Variants in TBC1D2B observed in about 807,000 individuals in gnomAD.
The protein encoded by TBC1D2B is TBC1 domain family, member 2B.
TBC1D2B carries 64 observed loss-of-function variants against 100.8 expected under a neutral mutation model. The ratio of observed to expected loss-of-function variants is 0.64; its 90% CI spans 0.52 to 0.78. The LOEUF (loss-of-function observed/expected upper bound fraction) is 0.78, where lower values mean the gene tolerates loss of function less well. Ranked by LOEUF, TBC1D2B falls within the 30% of genes least tolerant of loss-of-function variation. The pLI is 0.00. For synonymous variants in TBC1D2B, 480 were observed against 479.7 expected, an observed-to-expected ratio of 1.00 and a Z score of -0.01; for missense variants, 1,052 against 1,218.4, an observed-to-expected ratio of 0.86 and a Z score of 2.03.
rs185339525 is a variant in TBC1D2B at position 77,998,790 on chromosome 15, C to T, written c.2697-435G>A. 55 of 174,442 alleles carry T rather than the reference C, an allele frequency of 3.2e-4. No individual in the cohort carries two copies. The East Asian group carries it at 8.4e-3, about 27-fold the overall frequency. 10.8% of individuals were successfully genotyped at this position (174,442 alleles called of 1,614,324 possible). On this transcript the variant is annotated intron_variant, in intron 12 of 12. Transcript: ENST00000300584. ...ATGAGGCCTGGCACCGGGCACGAGT[C>T]CGGGACGTCTGTGTCCCAGGACTCA...
chr15:78,064,846 C>T (rs866726719), intron 1 of TBC1D2B, among the ~76,000 whole-genome samples: 1 of 152,186 alleles, frequency 6.6e-6, no homozygotes, highest in African/African-American at 2.4e-5. Flanking sequence ...TACTGGATCT[C>T]CTGGCTCCTT....
Position 78,013,224 on chromosome 15 carries a change from G to A in TBC1D2B, c.1869C>T (p.Leu623=), listed in dbSNP as rs530794756. Residue 623 remains leucine (L), a synonymous_variant, in exon 9 of 13, where the codon CTC becomes CTT. Coordinates refer to ENST00000300584, the MANE Select transcript of TBC1D2B (RefSeq NM_144572.2). ...AKVRALDLKT[L]YLTENQEVST... ...AGACTTCCTGGTTTTCTGTGAGGTA[G>A]AGAGTCTTCAGATCCAACGCGCGGA... 4.0e-5 allele frequency: 65 copies of A among 1,613,898 alleles called. No individual in the cohort carries two copies. In the South Asian group the frequency reaches 6.9e-4, roughly 17 times the overall value.
chr15:78,003,081 C>T (rs2071959168), intron 11 of TBC1D2B: 1 of 480,020 alleles, frequency 2.1e-6, no homozygotes, highest in Non-Finnish European at 3.8e-6. Context: ...GCTCCCAGCG[C>T]CTATCACAGG....
intron 1 of TBC1D2B, among the ~76,000 whole-genome samples, chr15:78,054,846 A>G (rs929736334): frequency 2.0e-5 from 3 of 152,224 alleles, no homozygotes; most frequent in African/African-American, 7.2e-5. Context: ...ATATCCACCC[A>G]AGAGGAATGA....
In TBC1D2B at chr15:78,024,177, C is replaced by T. The variant is rs918947396; in HGVS notation, c.1449G>A (p.Gln483=). 2 of 1,613,030 alleles carry T rather than the reference C, an allele frequency of 1.2e-6. No individual in the cohort carries two copies. Among genetic ancestry groups the T allele is most frequent in the Non-Finnish European group, 8.5e-7 (1 of 1,179,632 alleles). The change falls in exon 6 of 13, where the codon CAG becomes CAA. Residue 483 remains glutamine, a synonymous_variant. Transcript: ENST00000300584. Reference sequence around the variant, plus strand: ...TTACTTTCAGCCTGTCCAGTTCCAGCTGGTCCCTGGCAACAGGCACAACCG... The same window carrying T: ...TTACTTTCAGCCTGTCCAGTTCCAGTTGGTCCCTGGCAACAGGCACAACCG... ...SPSVVPVARD[Q]LELDRLKDNL...
chr15:78,023,626 C>T (rs956837929), intron 6 of TBC1D2B, among the ~76,000 whole-genome samples: 2 of 152,242 alleles, frequency 1.3e-5, no homozygotes, highest in African/African-American at 4.8e-5. Context: ...GTCCTTCCTA[C>T]TGAGTGTCAG....
intron 3 of TBC1D2B, among the ~76,000 whole-genome samples, chr15:78,041,193 T>C (rs1197950277): frequency 3.9e-5 from 6 of 152,272 alleles, no homozygotes; most frequent in Non-Finnish European, 8.8e-5. Context: ...AAATTTTCCC[T>C]AAGCATTCAA....
At chr15:78,061,953 C>A (rs58247186) in intron 1 of TBC1D2B, among the ~76,000 whole-genome samples, 7,604 of 152,190 alleles carry the variant, frequency 0.05, 370 homozygotes, top group African/African-American at 0.12. Context: ...TTAGCTAAAA[C>A]TGAAGTATAA....
Position 78,044,942 on chromosome 15 carries a change from G to C in TBC1D2B, c.641C>G (p.Ser214Cys). Residue 214 changes from serine (S) to cysteine (C), a missense_variant, in exon 3 of 13, where the codon TCC becomes TGC. Coordinates refer to ENST00000300584, the MANE Select transcript of TBC1D2B (RefSeq NM_144572.2). Reference protein sequence around the residue: ...ANQPAPGHPNSINFYSLKQWG... With the variant: ...ANQPAPGHPNCINFYSLKQWG... ...CTGTTTCAAAGAGTAAAAATTAATGGAATTTGGATGCCCTGGGGCGGGCTG... is the reference window on the plus strand; with the variant it reads ...CTGTTTCAAAGAGTAAAAATTAATGCAATTTGGATGCCCTGGGGCGGGCTG... 2 of 1,613,324 alleles carry C rather than the reference G, an allele frequency of 1.2e-6. No individual in the cohort carries two copies. The highest frequency in any genetic ancestry group is 1.7e-6 in the Non-Finnish European group (2 of 1,179,548).
intron 6 of TBC1D2B, among the ~76,000 whole-genome samples, chr15:78,018,205 T>C (rs2072425787): frequency 6.6e-6 from 1 of 152,240 alleles, no homozygotes; most frequent in South Asian, 2.1e-4. Context: ...TTAATTGTGG[T>C]AGTTTTTCTC....
intron 1 of TBC1D2B, among the ~76,000 whole-genome samples, chr15:78,058,755 C>A (rs1478875268): frequency 3.9e-5 from 6 of 152,162 alleles, no homozygotes; most frequent in Non-Finnish European, 8.8e-5. Context: ...ATGCTGTGGT[C>A]CCAAGTTCTG....
At chr15:78,052,442 A>G (rs767404556) in intron 2 of TBC1D2B, among the ~76,000 whole-genome samples, 122 of 152,162 alleles carry the variant, frequency 8.0e-4, no homozygotes, top group Non-Finnish European at 1.3e-3. Flanking sequence ...TGAATGAATG[A>G]GTAAATGTCA....
At chr15:78,008,658 C>T (rs546781173) in intron 10 of TBC1D2B, among the ~76,000 whole-genome samples, 10 of 152,376 alleles carry the variant, frequency 6.6e-5, no homozygotes, top group African/African-American at 1.9e-4. Flanking sequence ...CCTGAGCTAA[C>T]ACACCAGTCA....
chr15:78,072,865 C>T (rs1465761390), intron 1 of TBC1D2B, among the ~76,000 whole-genome samples: 2 of 152,200 alleles, frequency 1.3e-5, no homozygotes, highest in Non-Finnish European at 1.5e-5. Context: ...CAGGAAGCAT[C>T]AGCCTCTGCT....
chr15:77,998,382 A>G (rs1419313892), intron 12 of TBC1D2B, 27 bp from the exon 13 acceptor site: 1 of 1,544,096 alleles, frequency 6.5e-7, no homozygotes, highest in Admixed American at 2.0e-5. Context: ...GAGAGACAAG[A>G]GAATCAGCGG....
intron 1 of TBC1D2B, among the ~76,000 whole-genome samples, chr15:78,062,023 C>T (rs148725561): frequency 2.2e-4 from 33 of 152,202 alleles, no homozygotes; most frequent in Middle Eastern, 3.4e-3. Context: ...ATGCACTAGA[C>T]GAGGAAAACA....
At chr15:78,036,464 G>T (rs569197578) in intron 3 of TBC1D2B, among the ~76,000 whole-genome samples, 1 of 152,174 alleles carries the variant, frequency 6.6e-6, no homozygotes, top group African/African-American at 2.4e-5. Context: ...CAGTCTTCAC[G>T]AATGGATTAA....
intron 2 of TBC1D2B, among the ~76,000 whole-genome samples, chr15:78,050,335 T>A (rs1459835620): frequency 6.6e-6 from 1 of 152,234 alleles, no homozygotes; most frequent in Non-Finnish European, 1.5e-5. Flanking sequence ...AGAAATACCA[T>A]CCATATTCAA....
intron 10 of TBC1D2B, among the ~76,000 whole-genome samples, chr15:78,007,922 C>A (rs938080673): frequency 6.6e-6 from 1 of 152,218 alleles, no homozygotes; most frequent in East Asian, 1.9e-4. Flanking sequence ...CTCCTGCCAG[C>A]ACCTCCCGCT....
Sources: gnomAD v4.1 joint callset for allele counts (sites outside exome capture counted in the v4.1 genomes callset) on GRCh38, gnomAD v4.1.1 for gene constraint, MANE v1.5 for transcripts, NCBI Gene and HGNC (gene_info 2026-07-23, HGNC 2026-07-21) for gene names.